The following PCDHGB6 variants were observed in gnomAD, a reference collection of about 807,000 sequenced individuals.
PCDHGB6 encodes the protein protocadherin gamma-B6.
In PCDHGB6, 51 loss-of-function variants were observed where a neutral mutation model predicts 59.1. That is an observed-to-expected ratio of 0.86 (90% CI 0.69 to 1.09). The LOEUF (loss-of-function observed/expected upper bound fraction) is 1.09, where lower values mean the gene tolerates loss of function less well. PCDHGB6 is among the 50% of genes least tolerant of loss of function. The pLI is 0.00. For missense variants in PCDHGB6, 1,148 were observed against 1,205.1 expected, an observed-to-expected ratio of 0.95 and a Z score of 0.70; for synonymous variants, 466 against 495.1, an observed-to-expected ratio of 0.94 and a Z score of 0.78.
At chr5:141,411,309 C>A (rs2095479833) in intron 1 of PCDHGB6, 1 of 152,130 alleles carries the variant, frequency 6.6e-6, no homozygotes, top group African/African-American at 2.4e-5. Context: ...GTGGCTCACA[C>A]CTATAATCAC....
chr5:141,466,014 C>T (rs962233749), intron 1 of PCDHGB6, among the ~76,000 whole-genome samples: 75 of 151,848 alleles, frequency 4.9e-4, no homozygotes, highest in African/African-American at 1.2e-3. Flanking sequence ...CCCAGCTACT[C>T]GGGAGGGTGA....
At chr5:141,414,143 T>C (rs887054185) in intron 1 of PCDHGB6, 1 of 1,597,122 alleles carries the variant, frequency 6.3e-7, no homozygotes, top group Non-Finnish European at 8.5e-7. Flanking sequence ...GAAATAGAAA[T>C]ACAAGCAGAA....
chr5:141,429,387 TAA>T (rs11410533), intron 1 of PCDHGB6, among the ~76,000 whole-genome samples: 155 of 151,446 alleles, frequency 1.0e-3, no homozygotes, highest in African/African-American at 3.5e-3. Flanking sequence ...GTTTTTTTTT[TAA>T]AAAAAATTGA....
chr5:141,459,025 A>C (rs2098959135), intron 1 of PCDHGB6, among the ~76,000 whole-genome samples: 1 of 152,336 alleles, frequency 6.6e-6, no homozygotes, highest in Non-Finnish European at 1.5e-5. Flanking sequence ...GAGCCACCAC[A>C]TCCAGCCTTA....
At position 141,476,666 on chromosome 5, in the gene PCDHGB6, G is replaced by A. The variant is rs2099395856; in HGVS notation, c.2419-18141G>A. On this transcript the variant is annotated intron_variant, in intron 1 of 3. Coordinates refer to ENST00000520790, the MANE Select transcript of PCDHGB6 (RefSeq NM_018926.3). The surrounding 1 kb of genome is among the most constrained non-coding windows in gnomAD (Gnocchi z 7.6). The stretch of plus-strand genomic sequence containing the variant: ...CCGAAATGAATACTTTGCGCTTCGC[G>A]TGCAGACGCGGGAGGACAGCACCAA... 6.2e-7 allele frequency: 1 copy of A among 1,614,128 alleles called. No individual in the cohort carries two copies.
At chr5:141,427,732 G>T in intron 1 of PCDHGB6, 1 of 1,190,370 alleles carries the variant, frequency 8.4e-7, no homozygotes, top group Non-Finnish European at 1.2e-6. Context: ...GGGCTGAATG[G>T]CCAAGTCTCC....
chr5:141,488,677 G>A (rs2099678276), intron 1 of PCDHGB6, among the ~76,000 whole-genome samples: 2 of 152,184 alleles, frequency 1.3e-5, no homozygotes, highest in African/African-American at 2.4e-5. Context: ...CATGGGCTTT[G>A]CCTCTCCCAG....
intron 1 of PCDHGB6, chr5:141,416,636 C>A (rs2096047139): frequency 6.6e-6 from 1 of 152,066 alleles, no homozygotes; most frequent in South Asian, 2.1e-4. Context: ...AATATAAACA[C>A]CAACCACAGC....
rs779191558 is a variant in PCDHGB6 at position 141,491,465 on chromosome 5, A to G, written c.2419-3342A>G. On this transcript the variant is annotated intron_variant, in intron 1 of 3. Coordinates refer to ENST00000520790, the MANE Select transcript of PCDHGB6 (RefSeq NM_018926.3). This position sits in a 1 kb window ranked among gnomAD's most constrained non-coding sequence, Gnocchi z 6.9. The stretch of plus-strand genomic sequence containing the variant: ...CAGGACTCACCCTCCCCGGACTTCT[A>G]TAAGCAGTCCAGCCCCAACCTGCAG... 1.2e-6 allele frequency: 2 copies of G among 1,613,974 alleles called. No homozygotes were observed. The highest frequency in any genetic ancestry group is 1.1e-5 in the South Asian group (1 of 91,084).
intron 1 of PCDHGB6, chr5:141,423,750 TGG>T (rs144521096): frequency 3.2e-4 from 92 of 287,850 alleles, no homozygotes; most frequent in South Asian, 5.2e-4. Context: ...GAAAACTGTT[TGG>T]GGGGGGGGTG....
rs139211149 is a variant in PCDHGB6, at chr5:141,426,067, G to A, written c.2418+15447G>A. Among the ~76,000 whole-genome samples, 5 of 152,328 alleles carry A rather than the reference G, an allele frequency of 3.3e-5. No individual in the cohort carries two copies. The East Asian group carries it at 9.6e-4, about 29-fold the overall frequency. On this transcript the variant is annotated intron_variant, in intron 1 of 3. Coordinates refer to ENST00000520790, the MANE Select transcript of PCDHGB6 (RefSeq NM_018926.3). Reference sequence around the variant, plus strand: ...TGGCCAATGTGCTGCAAGAACTGGAGCCTGGGATCTACCAGGACGATATTC... The same window carrying A: ...TGGCCAATGTGCTGCAAGAACTGGAACCTGGGATCTACCAGGACGATATTC...
chr5:141,506,304 C>A (rs569926873), intron 3 of PCDHGB6, among the ~76,000 whole-genome samples: 3 of 152,078 alleles, frequency 2.0e-5, no homozygotes, highest in Non-Finnish European at 4.4e-5. Context: ...CAAAAATTAG[C>A]TGGGCATGGT....
At chr5:141,423,049 C>T (rs1418805817) in intron 1 of PCDHGB6, 3 of 1,614,094 alleles carry the variant, frequency 1.9e-6, no homozygotes, top group East Asian at 2.2e-5. Flanking sequence ...GCTGTCCTAT[C>T]GCCTGCTTAA....
At chr5:141,438,635 T>TAC (rs56854727) in intron 1 of PCDHGB6, among the ~76,000 whole-genome samples, 5 of 33,422 alleles carry the variant, frequency 1.5e-4, no homozygotes, top group Admixed American at 8.3e-4. Flanking sequence ...TATATATATA[T>TAC]ACACACACAC....
At chr5:141,414,748 G>T (rs765780935) in intron 1 of PCDHGB6, 1 of 1,614,182 alleles carries the variant, frequency 6.2e-7, no homozygotes, top group South Asian at 1.1e-5. Context: ...CAGATCCTTC[G>T]ACTATGAGCA....
intron 1 of PCDHGB6, chr5:141,420,333 A>G (rs778366534): frequency 2.1e-6 from 3 of 1,402,720 alleles, no homozygotes; most frequent in Non-Finnish European, 2.9e-6. Flanking sequence ...ATATATTCCA[A>G]TATAGTGGTA....
intron 1 of PCDHGB6, chr5:141,478,165 C>A: frequency 1.2e-6 from 2 of 1,614,038 alleles, no homozygotes; most frequent in Non-Finnish European, 1.7e-6. Context: ...GCTCTGCCCC[C>A]CGGGAGCAGA....
chr5:141,498,940 A>G (rs527366029), intron 2 of PCDHGB6, among the ~76,000 whole-genome samples: 57 of 140,142 alleles, frequency 4.1e-4, no homozygotes, highest in Non-Finnish European at 7.3e-4. Flanking sequence ...CAGGAAAGAA[A>G]GAAAGAAAAA....
chr5:141,473,312 A>G (rs1432409474), intron 1 of PCDHGB6, among the ~76,000 whole-genome samples: 1 of 152,228 alleles, frequency 6.6e-6, no homozygotes, highest in Non-Finnish European at 1.5e-5. Context: ...TGCTATATTA[A>G]TAAGCATTAA....
Sources: allele counts gnomAD v4.1 joint callset (sites outside exome capture counted in the v4.1 genomes callset), GRCh38; gene constraint gnomAD v4.1.1; non-coding constraint Gnocchi (gnomAD v3.1); transcripts MANE v1.5; gene names NCBI Gene and HGNC (gene_info 2026-07-23, HGNC 2026-07-21).